The following SCAF4 variants were observed in gnomAD, a reference collection of about 807,000 sequenced individuals.
SCAF4 encodes SR-related and CTD-associated factor 4.
In SCAF4, 25 loss-of-function variants were observed where a neutral mutation model predicts 129.8. The observed-to-expected ratio is 0.19, with a 90% confidence interval of 0.14 to 0.27. The LOEUF is 0.27. Ranked by LOEUF, SCAF4 falls within the 10% of genes least tolerant of loss-of-function variation. The pLI is 1.00. For synonymous variants in SCAF4, 551 were observed against 497.7 expected, an observed-to-expected ratio of 1.11 and a Z score of -1.43; for missense variants, 1,246 against 1,457.1, an observed-to-expected ratio of 0.86 and a Z score of 2.36.
chr21:31,682,436 A>G (rs2050018734), intron 19 of SCAF4, among the ~76,000 whole-genome samples: 3 of 152,186 alleles, frequency 2.0e-5, no homozygotes, highest in Non-Finnish European at 2.9e-5. Context: ...AACGAATCAC[A>G]GATGAAGTAA....
chr21:31,723,644 G>A (rs1195634425), intron 1 of SCAF4, among the ~76,000 whole-genome samples: 20 of 149,464 alleles, frequency 1.3e-4, no homozygotes, highest in Non-Finnish European at 2.5e-4. Flanking sequence ...GCGCGCGCGC[G>A]CGCACATACA....
At chr21:31,699,823 G>C (rs911055449) in intron 7 of SCAF4, among the ~76,000 whole-genome samples, 1 of 152,172 alleles carries the variant, frequency 6.6e-6, no homozygotes, top group Non-Finnish European at 1.5e-5. Flanking sequence ...GACAAGAGTG[G>C]AGCTGTTAGG....
intron 1 of SCAF4, among the ~76,000 whole-genome samples, chr21:31,708,862 G>A (rs755254909): frequency 5.0e-4 from 76 of 152,188 alleles, no homozygotes; most frequent in Admixed American, 9.8e-4. Flanking sequence ...GAAGCAATAA[G>A]GGGCCTTTCC....
chr21:31,686,938 C>G (rs181648825), intron 16 of SCAF4, among the ~76,000 whole-genome samples: 1 of 152,204 alleles, frequency 6.6e-6, no homozygotes. Context: ...TTGGAGACCA[C>G]TATCTGAACA....
chr21:31,712,981 T>C, intron 1 of SCAF4: 1 of 426,732 alleles, frequency 2.3e-6, no homozygotes, highest in Non-Finnish European at 3.1e-6. Context: ...CCGACTTTTG[T>C]TTCTCTTAAT....
intron 13 of SCAF4, 40 bp downstream of exon 13, chr21:31,692,309 C>G (rs1464174254): frequency 1.4e-6 from 2 of 1,456,326 alleles, no homozygotes; most frequent in East Asian, 4.5e-5. Flanking sequence ...ACATTAATCA[C>G]ACCTGTCCAT....
intron 1 of SCAF4, among the ~76,000 whole-genome samples, chr21:31,727,026 T>C (rs1275305004): frequency 2.6e-5 from 4 of 152,186 alleles, no homozygotes; most frequent in African/African-American, 9.7e-5. Context: ...AAACACAAAA[T>C]AGTAACAACT....
intron 7 of SCAF4, 48 bp downstream of exon 7, chr21:31,700,947 A>C (rs924213478): frequency 1.3e-6 from 2 of 1,571,242 alleles, no homozygotes; most frequent in Non-Finnish European, 1.8e-6. Flanking sequence ...TCCATAACTC[A>C]AGTTGAGTGA....
Position 31,692,698 on chromosome 21 carries a change from G to A in SCAF4, c.1514-249C>T, listed in dbSNP as rs141642568. 2.5e-4 allele frequency among the ~76,000 whole-genome samples: 38 copies of A among 152,270 alleles called. 1 individual carries two copies. The highest frequency in any genetic ancestry group is 8.4e-4 in the African/African-American group (35 of 41,552). ...TGGTTTTTTTGTAGATGGATCTAAAGATTACATCTATAAAAACTGAAGCCA... is the reference window on the plus strand; with the variant it reads ...TGGTTTTTTTGTAGATGGATCTAAAAATTACATCTATAAAAACTGAAGCCA... On this transcript the variant is annotated intron_variant, in intron 12 of 19. Coordinates refer to ENST00000286835, the MANE Select transcript of SCAF4 (RefSeq NM_020706.2).
Position 31,723,821 on chromosome 21 carries a change from A to G in SCAF4, c.30+7842T>C, listed in dbSNP as rs187413062. Among the ~76,000 whole-genome samples, 1,000 of 152,280 alleles carry G rather than the reference A, an allele frequency of 6.6e-3. 10 individuals carry two copies. Among genetic ancestry groups the G allele is most frequent in the African/African-American group, 0.023 (942 of 41,568 alleles). On this transcript the variant is annotated intron_variant, in intron 1 of 19. Transcript: ENST00000286835. ...CTTCCAACTGGGATTATTGACCCACATGGATTTACACCAAGAATCATCAAT... is the reference window on the plus strand; with the variant it reads ...CTTCCAACTGGGATTATTGACCCACGTGGATTTACACCAAGAATCATCAAT...
In SCAF4 at chr21:31,708,204, G is replaced by A. The variant is rs565940208; in HGVS notation, c.31-1847C>T. Among the ~76,000 whole-genome samples the A allele has an allele frequency of 2.1e-4, 32 of 151,944 alleles. No homozygotes were observed. In the Middle Eastern group the frequency reaches 0.01, roughly 48 times the overall value. ...GGAGTTCGAGACCAGCCTGGCCAAC[G>A]TGGCGAAACCTCATCTCTACTATAA... On this transcript the variant is annotated intron_variant, in intron 1 of 19. Coordinates refer to ENST00000286835, the MANE Select transcript of SCAF4 (RefSeq NM_020706.2).
At chr21:31,696,009 T>G (rs779004906) in intron 9 of SCAF4, 104 bp downstream of exon 9, 11 of 667,284 alleles carry the variant, frequency 1.6e-5, no homozygotes, top group Non-Finnish European at 2.5e-5. Context: ...AGAGATATAG[T>G]ACGACTTAGC....
intron 19 of SCAF4, among the ~76,000 whole-genome samples, chr21:31,675,309 T>C (rs1403688897): frequency 6.6e-6 from 1 of 152,150 alleles, no homozygotes; most frequent in Non-Finnish European, 1.5e-5. Context: ...AATGATTCTA[T>C]GATTGTTTTT....
intron 1 of SCAF4, chr21:31,706,768 A>T: frequency 4.3e-6 from 1 of 230,798 alleles, no homozygotes; most frequent in Non-Finnish European, 8.8e-6. Context: ...GACTCAAGTG[A>T]CTAACCAAGA....
intron 1 of SCAF4, among the ~76,000 whole-genome samples, chr21:31,715,278 CTTCT>C (rs770611669): frequency 2.0e-5 from 3 of 151,698 alleles, no homozygotes; most frequent in Non-Finnish European, 4.4e-5. Context: ...GTTTTATTTC[CTTCT>C]TTGACTCCTA....
chr21:31,675,949 G>A (rs902024255), intron 19 of SCAF4, among the ~76,000 whole-genome samples: 3 of 152,104 alleles, frequency 2.0e-5, no homozygotes, highest in East Asian at 1.9e-4. Flanking sequence ...TGAAATCTCC[G>A]GAGAATGTGC....
intron 7 of SCAF4, chr21:31,700,735 CTTTTTCTTTTTT>C: frequency 2.2e-6 from 1 of 448,478 alleles, no homozygotes; most frequent in Non-Finnish European, 3.9e-6. Flanking sequence ...TACTCCCTAA[CTTTTTCTTTTTT>C]TTTTTTTTTT....
intron 19 of SCAF4, among the ~76,000 whole-genome samples, chr21:31,673,561 C>T (rs1330129955): frequency 7.0e-6 from 1 of 142,254 alleles, no homozygotes; most frequent in Admixed American, 6.8e-5. Context: ...TCTTCAGACA[C>T]TTTGGGAAAA....
chr21:31,677,921 T>C (rs1208210414), intron 19 of SCAF4, among the ~76,000 whole-genome samples: 4 of 152,180 alleles, frequency 2.6e-5, no homozygotes, highest in Admixed American at 6.5e-5. Context: ...AAGGGTTAAA[T>C]GATTAATATA....
Sources: gnomAD v4.1 joint callset for allele counts (sites outside exome capture counted in the v4.1 genomes callset) on GRCh38, gnomAD v4.1.1 for gene constraint, MANE v1.5 for transcripts, NCBI Gene and HGNC (gene_info 2026-07-23, HGNC 2026-07-21) for gene names.